PCDHA8: variants seen among roughly 807,000 people sequenced by gnomAD.
The protein encoded by PCDHA8 is protocadherin alpha-8.
Under a neutral mutation model 61.8 loss-of-function variants are expected in PCDHA8, and 53 were observed. The observed-to-expected ratio is 0.86, with a 90% confidence interval of 0.69 to 1.08. PCDHA8 has a LOEUF of 1.08. Ranked by LOEUF, PCDHA8 falls within the 50% of genes least tolerant of loss-of-function variation. The pLI is 0.00. For synonymous variants in PCDHA8, 618 were observed against 556.6 expected, an observed-to-expected ratio of 1.11 and a Z score of -1.55; for missense variants, 1,293 against 1,245.0, an observed-to-expected ratio of 1.04 and a Z score of -0.58.
intron 1 of PCDHA8, chr5:140,866,292 A>T (rs1453745216): frequency 6.6e-6 from 1 of 152,182 alleles, no homozygotes; most frequent in East Asian, 1.9e-4. Flanking sequence ...TGGGACAAGT[A>T]TAGATGTTGA....
At chr5:140,988,058 A>G (rs2097280755) in intron 3 of PCDHA8, among the ~76,000 whole-genome samples, 1 of 152,200 alleles carries the variant, frequency 6.6e-6, no homozygotes, top group African/African-American at 2.4e-5. Flanking sequence ...CACTGTCAAC[A>G]TGAATTTTTC....
Position 140,848,771 on chromosome 5 carries a change from C to G in PCDHA8, c.2394+5056C>G, listed in dbSNP as rs1184191151. 4.4e-6 allele frequency: 7 copies of G among 1,593,350 alleles called. No homozygotes were observed. In the South Asian group the frequency reaches 6.6e-5, roughly 15 times the overall value. On this transcript the variant is annotated intron_variant, in intron 1 of 3. Coordinates refer to ENST00000531613, the MANE Select transcript of PCDHA8 (RefSeq NM_018911.3). ...TGTTTGTGAATTCTCGGATCGACCG[C>G]GAGGAGCTGTGCGGGCGGAGCGCGG...
At chr5:140,994,789 G>A (rs901197365) in intron 3 of PCDHA8, among the ~76,000 whole-genome samples, 8 of 152,260 alleles carry the variant, frequency 5.3e-5, no homozygotes, top group South Asian at 4.1e-4. Flanking sequence ...GAAACAATGC[G>A]TGCATGCAAA....
intron 3 of PCDHA8, among the ~76,000 whole-genome samples, chr5:140,996,539 A>G (rs1023035245): frequency 2.6e-5 from 4 of 152,170 alleles, no homozygotes; most frequent in South Asian, 4.1e-4. Flanking sequence ...GTGTTTTGAT[A>G]TTATGCTGTC....
chr5:141,004,101 T>C (rs2098153096), intron 3 of PCDHA8, among the ~76,000 whole-genome samples: 1 of 152,220 alleles, frequency 6.6e-6, no homozygotes, highest in Admixed American at 6.5e-5. Flanking sequence ...TCCGTTTTCA[T>C]CTTCTTCAAA....
intron 1 of PCDHA8, among the ~76,000 whole-genome samples, chr5:140,894,069 T>C (rs1209752630): frequency 2.6e-5 from 4 of 152,196 alleles, no homozygotes; most frequent in African/African-American, 9.6e-5. Flanking sequence ...TTTAAATACA[T>C]TTATTTTATT....
intron 1 of PCDHA8, chr5:140,877,402 C>T: frequency 6.2e-7 from 1 of 1,613,934 alleles, no homozygotes; most frequent in African/African-American, 1.3e-5. Flanking sequence ...GGACGCTCCG[C>T]GCCACCGCCT....
intron 3 of PCDHA8, among the ~76,000 whole-genome samples, chr5:140,995,219 GT>G (rs1554254532): frequency 6.6e-6 from 1 of 152,072 alleles, no homozygotes; most frequent in East Asian, 1.9e-4. Flanking sequence ...CAATACTCTT[GT>G]GCTTTGGGGC....
chr5:140,902,127 C>G (rs2069118126), intron 1 of PCDHA8, among the ~76,000 whole-genome samples: 1 of 150,418 alleles, frequency 6.6e-6, no homozygotes, highest in African/African-American at 2.4e-5. Context: ...GAGATTATAT[C>G]ATCTGCAAAC....
At chr5:140,933,512 A>C (rs2089201610) in intron 1 of PCDHA8, among the ~76,000 whole-genome samples, 1 of 152,078 alleles carries the variant, frequency 6.6e-6, no homozygotes, top group African/African-American at 2.4e-5. Context: ...CAAAGACTAC[A>C]GCTGTTTTGT....
intron 1 of PCDHA8, among the ~76,000 whole-genome samples, chr5:140,947,593 T>C (rs2094149533): frequency 1.3e-5 from 2 of 151,712 alleles, no homozygotes; most frequent in African/African-American, 2.4e-5. Context: ...TAGATCAATT[T>C]AGGGAAGATT....
In PCDHA8 at chr5:140,882,919, A is replaced by G. The variant is rs781879301; in HGVS notation, c.2394+39204A>G. 7.4e-6 allele frequency: 12 copies of G among 1,614,104 alleles called. No homozygotes were observed. In the East Asian group the frequency reaches 2.7e-4, roughly 36 times the overall value. The stretch of plus-strand genomic sequence containing the variant: ...GTTTATTACTGACAGCCAGTGATGG[A>G]GGTAAACCCGAGCTGACTGGCACAG... On this transcript the variant is annotated intron_variant, in intron 1 of 3. Coordinates refer to ENST00000531613, the MANE Select transcript of PCDHA8 (RefSeq NM_018911.3).
chr5:140,867,133 A>T (rs1554160961), intron 1 of PCDHA8: 1 of 152,166 alleles, frequency 6.6e-6, no homozygotes, highest in African/African-American at 2.4e-5. Flanking sequence ...CAAATATGTG[A>T]TATTATCATT....
At chr5:140,980,279 AAAAGTACC>A (rs1554241598) in intron 2 of PCDHA8, among the ~76,000 whole-genome samples, 2 of 152,236 alleles carry the variant, frequency 1.3e-5, no homozygotes, top group African/African-American at 4.8e-5. Flanking sequence ...CCAACTCTTG[AAAAGTACC>A]AAAGCTATGA....
chr5:140,931,175 G>A (rs1321525314), intron 1 of PCDHA8, among the ~76,000 whole-genome samples: 2 of 152,138 alleles, frequency 1.3e-5, no homozygotes, highest in Non-Finnish European at 2.9e-5. Flanking sequence ...TAATTTTAGG[G>A]AAGGAAATTG....
chr5:140,882,926 C>A (rs144073627), intron 1 of PCDHA8: 1 of 1,614,058 alleles, frequency 6.2e-7, no homozygotes, highest in Non-Finnish European at 8.5e-7. Flanking sequence ...TGGAGGTAAA[C>A]CCGAGCTGAC....
In PCDHA8 at chr5:140,991,828, C is replaced by T. The variant is rs1554252431; in HGVS notation, c.2542+9265C>T. Among the ~76,000 whole-genome samples, 6 of 152,168 alleles carry T rather than the reference C, an allele frequency of 3.9e-5. No homozygotes were observed. The South Asian group carries it at 6.2e-4, about 16-fold the overall frequency. The stretch of plus-strand genomic sequence containing the variant: ...CTTCCGCATTTTTAGGCATTTATAA[C>T]GGCAGAACCGCACTTCCAGATACCA... On this transcript the variant is annotated intron_variant, in intron 3 of 3. Transcript: ENST00000531613.
rs77078209 is a variant in PCDHA8 at position 140,927,973 on chromosome 5, C to T, written c.2395-50976C>T. ...CGCTGCCCCTGGCACAGTGATTGCT[C>T]TCTTTAGTGTAAAGGATGAAGACCT... On this transcript the variant is annotated intron_variant, in intron 1 of 3. Transcript: ENST00000531613. The T allele has an allele frequency of 1.9e-6, 3 of 1,614,216 alleles. No individual in the cohort carries two copies. The East Asian group carries it at 6.7e-5, about 36-fold the overall frequency.
chr5:140,969,557 A>G, intron 1 of PCDHA8: 2 of 1,212,410 alleles, frequency 1.6e-6, no homozygotes, highest in South Asian at 3.3e-5. Context: ...AGCCTTGTCC[A>G]TAAAATTGTT....
Sources: gnomAD v4.1 joint callset for allele counts (sites outside exome capture counted in the v4.1 genomes callset) on GRCh38, gnomAD v4.1.1 for gene constraint, MANE v1.5 for transcripts, NCBI Gene and HGNC (gene_info 2026-07-23, HGNC 2026-07-21) for gene names.